LYST: variants seen among roughly 807,000 people sequenced by gnomAD.
LYST encodes the protein lysosomal trafficking regulator.
A neutral mutation model predicts 413.6 loss-of-function variants in LYST; 192 were observed. That is an observed-to-expected ratio of 0.46 (90% CI 0.41 to 0.52). The LOEUF is 0.52. Ranked by LOEUF, LYST falls within the 20% of genes least tolerant of loss-of-function variation. The pLI, the probability that LYST is intolerant of heterozygous loss-of-function variation, is 0.00. For synonymous variants in LYST, 1,525 were observed against 1,567.3 expected, an observed-to-expected ratio of 0.97 and a Z score of 0.64; for missense variants, 3,815 against 4,499.9, an observed-to-expected ratio of 0.85 and a Z score of 4.35.
chr1:235,722,937 G>A (rs1663514427), intron 39 of LYST, among the ~76,000 whole-genome samples: 1 of 152,190 alleles, frequency 6.6e-6, no homozygotes, highest in African/African-American at 2.4e-5. Context: ...GAAACAGTAT[G>A]GATGCAGGAA....
intron 39 of LYST, among the ~76,000 whole-genome samples, chr1:235,722,431 G>C (rs187700720): frequency 1.6e-4 from 25 of 152,280 alleles, no homozygotes; most frequent in Admixed American, 8.5e-4. Context: ...GTCAAGAAAG[G>C]GTTTGTCAAA....
intron 10 of LYST, among the ~76,000 whole-genome samples, chr1:235,798,341 T>A (rs1671785157): frequency 6.6e-6 from 1 of 151,938 alleles, no homozygotes; most frequent in Non-Finnish European, 1.5e-5. Flanking sequence ...TTAATTATAA[T>A]ACATATATCA....
chr1:235,730,567 ATGTG>A lies in LYST; in HGVS notation c.9044+276_9044+279del, dbSNP rs4006790. The stretch of plus-strand genomic sequence containing the variant: ...TATGTGTATATATATACATATTTAT[ATGTG>A]TGTGTGTGTGTGTGTGTGTGTGTGT... On this transcript the variant is annotated intron_variant, in intron 36 of 52. Transcript: ENST00000389793. 0.014 allele frequency among the ~76,000 whole-genome samples: 1,894 copies of A among 137,588 alleles called. 52 individuals are homozygous for A. The highest frequency in any genetic ancestry group is 0.1 in the East Asian group (481 of 4,710). 90.3% of individuals were successfully genotyped at this position (137,588 alleles called of 152,430 possible). A position where few individuals can be genotyped will look rare whatever the true frequency, so the allele number is the denominator to read the frequency against.
chr1:235,675,301 C>A (rs1458212742), intron 50 of LYST, among the ~76,000 whole-genome samples: 3 of 152,310 alleles, frequency 2.0e-5, no homozygotes, highest in Non-Finnish European at 1.5e-5. Flanking sequence ...CCCCTCCTCT[C>A]GCAAACTGCA....
At chr1:235,833,405 TA>T (rs892352943) in intron 2 of LYST, among the ~76,000 whole-genome samples, 172 bp downstream of exon 2, 20 of 152,176 alleles carry the variant, frequency 1.3e-4, no homozygotes, top group Non-Finnish European at 2.6e-4. Context: ...TTCATTCCAT[TA>T]AACCATCATG....
At chr1:235,705,780 T>C (rs1265109580) in intron 44 of LYST, among the ~76,000 whole-genome samples, 1 of 151,814 alleles carries the variant, frequency 6.6e-6, no homozygotes, top group East Asian at 1.9e-4. Context: ...AATGTTAAGA[T>C]TCCTAATTGC....
chr1:235,745,001 C>CT (rs1665778447), intron 29 of LYST, among the ~76,000 whole-genome samples: 1 of 151,578 alleles, frequency 6.6e-6, no homozygotes, highest in Non-Finnish European at 1.5e-5. Context: ...TTACTGTTTT[C>CT]TTTTTCCTGT....
intron 17 of LYST, 87 bp from the exon 18 acceptor site, chr1:235,775,173 C>T: frequency 1.1e-6 from 1 of 940,818 alleles, no homozygotes; most frequent in Non-Finnish European, 1.7e-6. Flanking sequence ...TCTGTAACAT[C>T]AATCCATTAG....
rs745953829 is a variant in LYST, at chr1:235,809,404, G to A, written c.1414C>T (p.Leu472=). Reference sequence around the variant, plus strand: ...ATTATTTTCATCACACTATTTATTAGGGCTTTCAAATGCTCTGAGGCCTCG... The same window carrying A: ...ATTATTTTCATCACACTATTTATTAAGGCTTTCAAATGCTCTGAGGCCTCG... ...PPEASEHLKA[L]INSVMKIMST... is the part of the protein sequence containing the mutation. The change falls in exon 5 of 53, where the codon CTA becomes TTA. Residue 472 remains leucine (L), a synonymous_variant. Coordinates refer to ENST00000389793, the MANE Select transcript of LYST (RefSeq NM_000081.4). The surrounding 1 kb of genome is among the most constrained non-coding windows in gnomAD (Gnocchi z 4.0). The A allele has an allele frequency of 1.2e-6, 2 of 1,613,636 alleles. No homozygotes were observed. The highest frequency in any genetic ancestry group is 2.7e-5 in the African/African-American group (2 of 74,842).
At chr1:235,696,491 G>C (rs1443533286) in intron 46 of LYST, among the ~76,000 whole-genome samples, 2 of 152,336 alleles carry the variant, frequency 1.3e-5, no homozygotes, top group East Asian at 3.9e-4. Flanking sequence ...TTTGTTTCTA[G>C]TGAAATGGCT....
intron 31 of LYST, 150 bp from the exon 32 acceptor site, chr1:235,734,809 A>G: frequency 1.7e-6 from 1 of 590,014 alleles, no homozygotes. Context: ...GGATAAGTAC[A>G]GAAATCTGAT....
rs552178978 is a variant in LYST, at chr1:235,840,466, A to C, written c.-97-6799T>G. On this transcript the variant is annotated intron_variant, in intron 1 of 52. Transcript: ENST00000389793. The stretch of plus-strand genomic sequence containing the variant: ...AAGGCTTTTGTACACTATGCTAAGA[A>C]CCTTGGGCTTTAATCTATTGGCTAG... 4.6e-5 allele frequency among the ~76,000 whole-genome samples: 7 copies of C among 152,236 alleles called. No individual in the cohort carries two copies. The South Asian group carries it at 1.2e-3, about 27-fold the overall frequency.
At chr1:235,841,994 GA>G (rs1210261853) in intron 1 of LYST, among the ~76,000 whole-genome samples, 1 of 152,102 alleles carries the variant, frequency 6.6e-6, no homozygotes, top group Non-Finnish European at 1.5e-5. Context: ...AGCAGAGGTG[GA>G]AAACCATGAA....
At chr1:235,824,820 G>A (rs1034827851) in intron 3 of LYST, among the ~76,000 whole-genome samples, 1 of 152,084 alleles carries the variant, frequency 6.6e-6, no homozygotes, top group Non-Finnish European at 1.5e-5. Flanking sequence ...AGGAGTTCAA[G>A]ACCAGCCTGG....
At chr1:235,784,775 C>T (rs1179187995) in intron 14 of LYST, among the ~76,000 whole-genome samples, 1 of 152,156 alleles carries the variant, frequency 6.6e-6, no homozygotes, top group Non-Finnish European at 1.5e-5. Flanking sequence ...GGGCTCTCTA[C>T]TTACAACTCC....
At chr1:235,706,708 C>T (rs1224916125) in intron 44 of LYST, among the ~76,000 whole-genome samples, 1 of 152,068 alleles carries the variant, frequency 6.6e-6, no homozygotes, top group Admixed American at 6.6e-5. Flanking sequence ...ACCAATGAAA[C>T]TATATTATTC....
chr1:235,777,731 C>A (rs951027744), intron 16 of LYST, among the ~76,000 whole-genome samples: 1 of 152,046 alleles, frequency 6.6e-6, no homozygotes, highest in Non-Finnish European at 1.5e-5. Context: ...GCTGACTCTT[C>A]ATTTAAAAGC....
chr1:235,705,117 C>T (rs1320703927), intron 44 of LYST, among the ~76,000 whole-genome samples: 1 of 152,090 alleles, frequency 6.6e-6, no homozygotes, highest in Non-Finnish European at 1.5e-5. Context: ...CAAGTTTGTA[C>T]ATTTTGGTAC....
At chr1:235,692,501 C>A (rs966134650) in intron 47 of LYST, among the ~76,000 whole-genome samples, 1 of 151,850 alleles carries the variant, frequency 6.6e-6, no homozygotes, top group African/African-American at 2.4e-5. Flanking sequence ...CTGCCTCAGC[C>A]TCCTGAGTAG....
Sources: gnomAD v4.1 joint callset for allele counts (sites outside exome capture counted in the v4.1 genomes callset) on GRCh38, gnomAD v4.1.1 for gene constraint, Gnocchi (gnomAD v3.1) non-coding constraint, MANE v1.5 for transcripts, NCBI Gene and HGNC (gene_info 2026-07-23, HGNC 2026-07-21) for gene names.